The following TAAR1 variants were observed in gnomAD, a reference collection of about 807,000 sequenced individuals.
The protein encoded by TAAR1 is trace amine associated receptor 1.
Under a neutral mutation model 1.2 loss-of-function variants are expected in TAAR1, and 1 was observed. The ratio of observed to expected loss-of-function variants is 0.81; its 90% confidence interval spans 0.29 to 3.86. TAAR1 has a LOEUF of 3.86. Among genes scored for constraint, TAAR1 ranks in the 30% most tolerant of loss-of-function variants. The probability of loss-of-function intolerance (pLI) is 0.18; values close to 1 mark genes in which losing one functional copy is unlikely to be tolerated. For synonymous variants in TAAR1, 153 were observed against 132.2 expected (o/e 1.16, Z -1.08); for missense variants, 445 against 405.6 (o/e 1.10, Z -0.83).
rs1039151192 is a variant in TAAR1 at position 132,646,041 on chromosome 6, G to T, written c.-38C>A. ...TCAATCAGTTTACTTTTCCCTTTGT[G>T]TGTTGATTTATCTTTTTCCCAAATC... On this transcript the variant is annotated 5_prime_UTR_variant, in exon 2 of 2. Coordinates refer to ENST00000275216, the MANE Select transcript of TAAR1 (RefSeq NM_138327.4). 2 of 1,527,130 alleles carry T rather than the reference G, an allele frequency of 1.3e-6. No individual in the cohort carries two copies. Among genetic ancestry groups the T allele is most frequent in the African/African-American group, 2.8e-5 (2 of 71,878 alleles). The allele number at this position is 1,527,130 out of a possible 1,614,324, so 94.6% of individuals were successfully genotyped here.
At chr6:132,647,729 G>C (rs2114276776) in intron 1 of TAAR1, among the ~76,000 whole-genome samples, 1 of 152,036 alleles carries the variant, frequency 6.6e-6, no homozygotes, top group South Asian at 2.1e-4. Context: ...AAAGAGCTTG[G>C]GGAAGAGTAC....
At position 132,645,117 on chromosome 6, in the gene TAAR1, T is replaced by G; in HGVS notation, c.887A>C (p.Asn296Thr). ...NDVLIWFGYL[N>T]STFNPMVYAF... ...ATAAACCATTGGATTAAATGTAGAGTTCAAGTAGCCAAACCAAATCAATAC... is the reference window on the plus strand; with the variant it reads ...ATAAACCATTGGATTAAATGTAGAGGTCAAGTAGCCAAACCAAATCAATAC... The change falls in exon 2 of 2, where the codon AAC becomes ACC. Residue 296 changes from asparagine (N) to threonine (T), a missense_variant. Physicochemically the swap from Asn to Thr is moderately conservative, Grantham distance 65 (BLOSUM62 0). Coordinates refer to ENST00000275216, the MANE Select transcript of TAAR1 (RefSeq NM_138327.4). The G allele has an allele frequency of 6.2e-7, 1 of 1,612,894 alleles. No individual in the cohort carries two copies. Among genetic ancestry groups the G allele is most frequent in the Non-Finnish European group, 8.5e-7 (1 of 1,179,530 alleles).
At position 132,645,178 on chromosome 6, in the gene TAAR1, A is replaced by T. The variant is rs558724594; in HGVS notation, c.826T>A (p.Phe276Ile). The T allele has an allele frequency of 1.2e-6, 2 of 1,612,502 alleles. No individual in the cohort carries two copies. Among genetic ancestry groups the T allele is most frequent in the African/African-American group, 2.7e-5 (2 of 74,918 alleles). The change falls in exon 2 of 2, where the codon TTT becomes ATT. Residue 276 changes from phenylalanine (F) to isoleucine (I), a missense_variant. By Grantham distance (21) the Phe-to-Ile change is conservative. Transcript: ENST00000275216. ...GTAGGTGGAATAATGTAGTGAAGAA[A>T]AGGGTCCATGACTGTACAGATAAAG... ...PFFICTVMDP[F>I]LHYIIPPTLN...
rs1777639093 is a variant in TAAR1, at chr6:132,644,641, C to A, written c.*343G>T. ...ATGACAAAATCATTCTGATTTGCAT[C>A]CTCAAATTCAGCCCTATAGTTTCCA... is the stretch of plus-strand genomic sequence containing the variant. On this transcript the variant is annotated 3_prime_UTR_variant, in exon 2 of 2. Transcript: ENST00000275216. Among the ~76,000 whole-genome samples, 1 of 151,954 alleles carries A rather than the reference C, an allele frequency of 6.6e-6. No individual in the cohort carries two copies. The highest frequency in any genetic ancestry group is 2.4e-5 in the African/African-American group (1 of 41,378).
chr6:132,651,876 G>A (rs4330555), intron 1 of TAAR1, among the ~76,000 whole-genome samples: 17,919 of 152,158 alleles, frequency 0.12, 1,269 homozygotes, highest in Middle Eastern at 0.16. Flanking sequence ...TCAGCCATGC[G>A]CCCCTATCAG....
intron 1 of TAAR1, among the ~76,000 whole-genome samples, chr6:132,655,837 G>A (rs556544635): frequency 7.2e-5 from 11 of 152,328 alleles, no homozygotes; most frequent in African/African-American, 2.6e-4. Context: ...GTTTGGACAT[G>A]TTTTGAAGAA....
Position 132,645,642 on chromosome 6 carries a change from C to T in TAAR1, c.362G>A (p.Arg121His), listed in dbSNP as rs750088922. The change falls in exon 2 of 2, where the codon CGC becomes CAC. Residue 121 changes from arginine (R) to histidine (H), a missense_variant. Arg to His is a conservative substitution (Grantham distance 29). Coordinates refer to ENST00000275216, the MANE Select transcript of TAAR1 (RefSeq NM_138327.4). Reference sequence around the variant, plus strand: ...CAGTGGATCACACACAGCATAGTAGCGGTCAATGGAGATGAAAGACAAATG... The same window carrying T: ...CAGTGGATCACACACAGCATAGTAGTGGTCAATGGAGATGAAAGACAAATG... ...IFHLSFISID[R>H]YYAVCDPLRY... 3 of 1,613,506 alleles carry T rather than the reference C, an allele frequency of 1.9e-6. No individual in the cohort carries two copies. The highest frequency in any genetic ancestry group is 2.5e-6 in the Non-Finnish European group (3 of 1,179,762).
chr6:132,653,265 C>A (rs1055467799), intron 1 of TAAR1, among the ~76,000 whole-genome samples: 7 of 152,146 alleles, frequency 4.6e-5, no homozygotes, highest in African/African-American at 1.7e-4. Flanking sequence ...ACTAGTGTGT[C>A]CTTACCCGAA....
intron 1 of TAAR1, among the ~76,000 whole-genome samples, chr6:132,646,463 G>C (rs9402439): frequency 0.68 from 102,951 of 151,972 alleles, 36,013 homozygotes; most frequent in East Asian, 0.89. Context: ...GACTTACATT[G>C]TAAAGGGTAG....
At position 132,643,700 on chromosome 6, in the gene TAAR1, G is replaced by A. The variant is rs1777624711; in HGVS notation, c.*1284C>T. Among the ~76,000 whole-genome samples, 1 of 151,960 alleles carries A rather than the reference G, an allele frequency of 6.6e-6. No individual in the cohort carries two copies. Among genetic ancestry groups the A allele is most frequent in the African/African-American group, 2.4e-5 (1 of 41,400 alleles). On this transcript the variant is annotated 3_prime_UTR_variant, in exon 2 of 2. Coordinates refer to ENST00000275216, the MANE Select transcript of TAAR1 (RefSeq NM_138327.4). ...CAGAAGGTAAATCCAAATCCCCAGT[G>A]ATACTCAATCTGAAACAGACCATGT...
At position 132,646,631 on chromosome 6, in the gene TAAR1, TAAG is replaced by T. The variant is rs543465229; in HGVS notation, c.-126-505_-126-503del. On this transcript the variant is annotated intron_variant, in intron 1 of 1. Coordinates refer to ENST00000275216, the MANE Select transcript of TAAR1 (RefSeq NM_138327.4). ...TTTCTTATTTTATAATTAATTGTAATAAGAAGAAGCTTACATATATTTATTTGC... is the reference window on the plus strand; with the variant it reads ...TTTCTTATTTTATAATTAATTGTAATAAGAAGCTTACATATATTTATTTGC... Among the ~76,000 whole-genome samples, 294 of 152,316 alleles carry T rather than the reference TAAG, an allele frequency of 1.9e-3. 2 individuals are homozygous for T. Among genetic ancestry groups the T allele is most frequent in the African/African-American group, 6.8e-3 (282 of 41,578 alleles).
rs747705281 is a variant in TAAR1, at chr6:132,645,369, C to A, written c.635G>T (p.Arg212Ile). Residue 212 changes from arginine to isoleucine, a missense_variant, in exon 2 of 2, where the codon AGA (arginine) becomes ATA (isoleucine). Arg to Ile is a moderately conservative substitution (Grantham distance 97, BLOSUM62 -3). Transcript: ENST00000275216. ...CTGTTCTTTAGCGATAAGATATATTCTGTAATAGACACATAACATAATAGA... is the reference window on the plus strand; with the variant it reads ...CTGTTCTTTAGCGATAAGATATATTATGTAATAGACACATAACATAATAGA... The part of the protein sequence containing the change: ...PGSIMLCVYY[R>I]IYLIAKEQAR... 12 of 1,613,332 alleles carry A rather than the reference C, an allele frequency of 7.4e-6. 1 individual carries two copies. In the South Asian group the frequency reaches 1.3e-4, roughly 18 times the overall value.
At position 132,645,381 on chromosome 6, in the gene TAAR1, C is replaced by T; in HGVS notation, c.623G>A (p.Cys208Tyr). ...GATAAGATATATTCTGTAATAGACA[C>T]ATAACATAATAGATCCAGGTATATA... ...SFYIPGSIMLCVYYRIYLIAK... is the reference protein window; with the variant it reads ...SFYIPGSIMLYVYYRIYLIAK... Residue 208 changes from cysteine (C) to tyrosine (Y), a missense_variant, in exon 2 of 2, where the codon TGT (cysteine) becomes TAT (tyrosine). Transcript: ENST00000275216. 1.9e-6 allele frequency: 3 copies of T among 1,613,426 alleles called. No homozygotes were observed. In the Middle Eastern group the frequency reaches 5.0e-4, roughly 266 times the overall value.
At chr6:132,657,483 T>C (rs1303648778) in intron 1 of TAAR1, among the ~76,000 whole-genome samples, 1 of 151,926 alleles carries the variant, frequency 6.6e-6, no homozygotes, top group Non-Finnish European at 1.5e-5. Flanking sequence ...AAGTTGTCAA[T>C]AGTATATTTT....
chr6:132,656,166 C>G (rs75637651), intron 1 of TAAR1, among the ~76,000 whole-genome samples: 3,369 of 151,942 alleles, frequency 0.022, 96 homozygotes, highest in East Asian at 0.11. Context: ...GAAAAACAAC[C>G]AAACAAAAAG....
intron 1 of TAAR1, among the ~76,000 whole-genome samples, chr6:132,646,437 C>A (rs2114273349): frequency 6.6e-6 from 1 of 152,172 alleles, no homozygotes; most frequent in East Asian, 1.9e-4. Context: ...CCATAGGAAG[C>A]CAGTCTAGTG....
At chr6:132,655,878 T>C (rs193204120) in intron 1 of TAAR1, among the ~76,000 whole-genome samples, 2 of 152,254 alleles carry the variant, frequency 1.3e-5, no homozygotes, top group East Asian at 1.9e-4. Context: ...ATAGCCTTGA[T>C]TGTCGGTTTA....
rs561728176 is a variant in TAAR1 at position 132,645,997 on chromosome 6, G to A, written c.7C>T (p.Pro3Ser). The A allele has an allele frequency of 6.9e-6, 11 of 1,591,978 alleles. 1 individual carries two copies. The highest frequency in any genetic ancestry group is 3.4e-4 in the Middle Eastern group (2 of 5,954). Residue 3 changes from proline to serine, a missense_variant, in exon 2 of 2, where the codon CCC (proline) becomes TCC (serine). Physicochemically the swap from Pro to Ser is moderately conservative, Grantham distance 74. Coordinates refer to ENST00000275216, the MANE Select transcript of TAAR1 (RefSeq NM_138327.4). Reference protein sequence around the residue: MMPFCHNIINISC... With the variant: MMSFCHNIINISC... ...ATATTAATTATATTGTGGCAAAAGG[G>A]CATCATTCCTGAGGGCTGTCAATCA...
intron 1 of TAAR1, among the ~76,000 whole-genome samples, 199 bp downstream of exon 1, chr6:132,658,930 TA>T (rs1362008178): frequency 3.3e-5 from 5 of 152,216 alleles, no homozygotes; most frequent in African/African-American, 1.2e-4. Context: ...CTTCTCTTGC[TA>T]AAGGGGCTAC....
Sources: gnomAD v4.1 joint callset for allele counts (sites outside exome capture counted in the v4.1 genomes callset) on GRCh38, gnomAD v4.1.1 for gene constraint, MANE v1.5 for transcripts, NCBI Gene and HGNC (gene_info 2026-07-23, HGNC 2026-07-21) for gene names.